The following CREB3L2 variants were observed in gnomAD, a reference collection of about 807,000 sequenced individuals.
CREB3L2 encodes cyclic AMP-responsive element-binding protein 3-like protein 2.
Under a neutral mutation model 57.2 loss-of-function variants are expected in CREB3L2, and 23 were observed. The ratio of observed to expected loss-of-function variants is 0.40; its 90% CI spans 0.29 to 0.57. The LOEUF is 0.57. Among genes scored for constraint, CREB3L2 ranks in the 20% least tolerant of loss-of-function variants. The pLI is 0.42. For synonymous variants in CREB3L2, 268 were observed against 265.1 expected, an observed-to-expected ratio of 1.01 and a Z score of -0.11; for missense variants, 628 against 634.7, an observed-to-expected ratio of 0.99 and a Z score of 0.11.
chr7:137,885,950 G>A (rs1419341055), intron 8 of CREB3L2, among the ~76,000 whole-genome samples: 1 of 152,168 alleles, frequency 6.6e-6, no homozygotes, highest in Non-Finnish European at 1.5e-5. Context: ...CATAAATGGA[G>A]CCCTCATTGA....
chr7:137,980,159 A>G lies in CREB3L2; in HGVS notation c.102+21445T>C, dbSNP rs1016250705. Among the ~76,000 whole-genome samples, 1 of 152,212 alleles carries G rather than the reference A, an allele frequency of 6.6e-6. No homozygotes were observed. Among genetic ancestry groups the G allele is most frequent in the African/African-American group, 2.4e-5 (1 of 41,442 alleles). On this transcript the variant is annotated intron_variant, in intron 1 of 11. Coordinates refer to ENST00000330387, the MANE Select transcript of CREB3L2 (RefSeq NM_194071.4). The surrounding 1 kb of genome is among the most constrained non-coding windows in gnomAD (Gnocchi z 4.3). The stretch of plus-strand genomic sequence containing the variant: ...GGAGATGAATGTTGCCAGACCATGG[A>G]CCATGCTTTGAGTAGTCATACTCCA...
intron 1 of CREB3L2, among the ~76,000 whole-genome samples, chr7:137,978,219 A>T (rs1378090634): frequency 6.6e-6 from 1 of 152,208 alleles, no homozygotes; most frequent in Non-Finnish European, 1.5e-5. Context: ...CTTTACAGAG[A>T]TATACTCTCT....
intron 4 of CREB3L2, among the ~76,000 whole-genome samples, chr7:137,911,449 T>A (rs114142237): frequency 6.6e-6 from 1 of 152,228 alleles, no homozygotes; most frequent in Non-Finnish European, 1.5e-5. Flanking sequence ...CACATTTATA[T>A]ACCGTAGCAA....
chr7:137,966,925 C>G (rs1217026857), intron 1 of CREB3L2, among the ~76,000 whole-genome samples: 2 of 152,158 alleles, frequency 1.3e-5, no homozygotes, highest in Non-Finnish European at 1.5e-5. Flanking sequence ...TATATTGAAT[C>G]CCTAACCCCC....
intron 7 of CREB3L2, 100 bp downstream of exon 7, chr7:137,903,859 C>T: frequency 9.7e-7 from 1 of 1,028,558 alleles, no homozygotes; most frequent in Non-Finnish European, 1.5e-6. Flanking sequence ...TCCAAGGTGG[C>T]CAGAAAGAGG....
chr7:137,886,814 T>C (rs889763713), intron 8 of CREB3L2, among the ~76,000 whole-genome samples: 2 of 152,094 alleles, frequency 1.3e-5, no homozygotes, highest in African/African-American at 4.8e-5. Context: ...AACAGTCTTA[T>C]ATACTCTGCT....
At chr7:137,992,029 T>TA (rs891133306) in intron 1 of CREB3L2, among the ~76,000 whole-genome samples, 284 of 151,444 alleles carry the variant, frequency 1.9e-3, no homozygotes, top group African/African-American at 5.8e-3. Flanking sequence ...CTCAATTCTT[T>TA]AAAAAAAAAT....
At chr7:137,918,245 C>T (rs1361123480) in intron 2 of CREB3L2, among the ~76,000 whole-genome samples, 1 of 152,158 alleles carries the variant, frequency 6.6e-6, no homozygotes, top group Non-Finnish European at 1.5e-5. Context: ...GGCTGGAGTG[C>T]AGTGGCACCA....
chr7:137,984,756 A>T (rs1252420522), intron 1 of CREB3L2, among the ~76,000 whole-genome samples: 2 of 152,230 alleles, frequency 1.3e-5, no homozygotes, highest in Non-Finnish European at 2.9e-5. Flanking sequence ...GGGAATAAAA[A>T]ATCTACCTAC....
intron 5 of CREB3L2, among the ~76,000 whole-genome samples, chr7:137,906,837 A>C (rs1799899914): frequency 6.6e-6 from 1 of 152,240 alleles, no homozygotes; most frequent in Non-Finnish European, 1.5e-5. Flanking sequence ...CATCCATGTA[A>C]GACATGACTT....
At chr7:137,997,928 T>C (rs4732279) in intron 1 of CREB3L2, among the ~76,000 whole-genome samples, 128,015 of 152,178 alleles carry the variant, frequency 0.84, 54,638 homozygotes, top group Middle Eastern at 0.94. Context: ...ATTTCTAGAT[T>C]TGCCATCTTT....
At chr7:137,927,986 C>A (rs959849278) in intron 2 of CREB3L2, among the ~76,000 whole-genome samples, 164 bp downstream of exon 2, 2 of 152,034 alleles carry the variant, frequency 1.3e-5, no homozygotes, top group Non-Finnish European at 2.9e-5. Flanking sequence ...GGGTCCTGGG[C>A]CTCTTTGCTT....
chr7:137,914,962 C>T (rs1035157359), intron 3 of CREB3L2, among the ~76,000 whole-genome samples: 4 of 152,070 alleles, frequency 2.6e-5, no homozygotes, highest in South Asian at 2.1e-4. Flanking sequence ...GCCTCGATCT[C>T]GGCTCACTGC....
chr7:137,988,024 C>A (rs1156335577), intron 1 of CREB3L2, among the ~76,000 whole-genome samples: 1 of 152,230 alleles, frequency 6.6e-6, no homozygotes, highest in Non-Finnish European at 1.5e-5. Context: ...CTTCAAAGAG[C>A]CTGCTCTGCT....
At chr7:137,892,845 G>C (rs1000245226) in intron 8 of CREB3L2, among the ~76,000 whole-genome samples, 1 of 152,128 alleles carries the variant, frequency 6.6e-6, no homozygotes, top group African/African-American at 2.4e-5. Context: ...TCCTGGGATG[G>C]AGGGCAGGGA....
At chr7:137,963,210 TC>T (rs1234665953) in intron 1 of CREB3L2, among the ~76,000 whole-genome samples, 1 of 152,130 alleles carries the variant, frequency 6.6e-6, no homozygotes, top group East Asian at 1.9e-4. Flanking sequence ...CATTTAAAGA[TC>T]CCCCTCTCCG....
At chr7:137,939,300 G>C (rs986518118) in intron 1 of CREB3L2, among the ~76,000 whole-genome samples, 2 of 152,192 alleles carry the variant, frequency 1.3e-5, no homozygotes, top group African/African-American at 4.8e-5. Flanking sequence ...GGGCAGCCTG[G>C]AGTAGGGCAG....
intron 1 of CREB3L2, among the ~76,000 whole-genome samples, chr7:137,959,158 G>A (rs756024406): frequency 6.6e-6 from 1 of 152,186 alleles, no homozygotes; most frequent in Non-Finnish European, 1.5e-5. Context: ...CTCCCATGAA[G>A]AGGTGATGTC....
intron 2 of CREB3L2, among the ~76,000 whole-genome samples, 178 bp downstream of exon 2, chr7:137,927,972 A>C (rs1800513882): frequency 6.6e-6 from 1 of 152,030 alleles, no homozygotes; most frequent in African/African-American, 2.4e-5. Context: ...CAGTGTAGAG[A>C]AATGGGTCCT....
Sources: gnomAD v4.1 joint callset for allele counts (sites outside exome capture counted in the v4.1 genomes callset) on GRCh38, gnomAD v4.1.1 for gene constraint, Gnocchi (gnomAD v3.1) non-coding constraint, MANE v1.5 for transcripts, NCBI Gene and HGNC (gene_info 2026-07-23, HGNC 2026-07-21) for gene names.